Variants in C20orf96 observed in about 807,000 individuals in gnomAD.
C20orf96 encodes the protein chromosome 20 open reading frame 96.
In C20orf96, 57 loss-of-function variants were observed where a neutral mutation model predicts 52.6. The observed-to-expected ratio is 1.08, with a 90% CI of 0.88 to 1.35. The LOEUF is 1.35. Among genes scored for constraint, C20orf96 ranks in the 40% most tolerant of loss-of-function variants. The pLI, the probability that C20orf96 is intolerant of heterozygous loss-of-function variation, is 0.00. For synonymous variants in C20orf96, 168 were observed against 157.2 expected (o/e 1.07, Z -0.51); for missense variants, 478 against 443.6 (o/e 1.08, Z -0.70).
At chr20:274,396 C>G (rs1212728931) in intron 10 of C20orf96, among the ~76,000 whole-genome samples, 1 of 152,112 alleles carries the variant, frequency 6.6e-6, no homozygotes, top group Non-Finnish European at 1.5e-5. Context: ...GCAAGAAACC[C>G]GAAAGGACTC....
intron 3 of C20orf96, among the ~76,000 whole-genome samples, chr20:287,762 A>G (rs1394761559): frequency 6.6e-6 from 1 of 152,058 alleles, no homozygotes; most frequent in African/African-American, 2.4e-5. Context: ...TACAAAAATT[A>G]GCCAGGCATG....
At chr20:273,384 T>C (rs2122227398) in intron 10 of C20orf96, among the ~76,000 whole-genome samples, 1 of 152,318 alleles carries the variant, frequency 6.6e-6, no homozygotes, top group African/African-American at 2.4e-5. Flanking sequence ...GGGCACTGCA[T>C]GGAGGTCCCT....
At chr20:278,694 C>T (rs2012109589) in intron 5 of C20orf96, among the ~76,000 whole-genome samples, 1 of 150,914 alleles carries the variant, frequency 6.6e-6, no homozygotes, top group African/African-American at 2.4e-5. Flanking sequence ...ACAGTATGTG[C>T]CCGGTGAACC....
chr20:281,851 A>C (rs569762220), intron 4 of C20orf96, among the ~76,000 whole-genome samples: 1 of 152,208 alleles, frequency 6.6e-6, no homozygotes, highest in Non-Finnish European at 1.5e-5. Flanking sequence ...CTATAGTCCC[A>C]ACTACTCCGA....
intron 4 of C20orf96, 99 bp from the exon 5 acceptor site, chr20:279,429 C>G: frequency 7.6e-7 from 1 of 1,307,706 alleles, no homozygotes; most frequent in Non-Finnish European, 1.0e-6. Context: ...GCCAGACGCC[C>G]GCCCCCGTGC....
At chr20:287,384 T>C (rs1263369634) in intron 3 of C20orf96, among the ~76,000 whole-genome samples, 1 of 152,254 alleles carries the variant, frequency 6.6e-6, no homozygotes, top group Non-Finnish European at 1.5e-5. Flanking sequence ...GATATCTCAC[T>C]GTGGCTTAAT....
intron 4 of C20orf96, among the ~76,000 whole-genome samples, chr20:281,932 G>A (rs1395731535): frequency 3.3e-5 from 5 of 152,232 alleles, no homozygotes; most frequent in South Asian, 2.1e-4. Context: ...ATGCCACTGC[G>A]CTCCAGCCTG....
intron 4 of C20orf96, among the ~76,000 whole-genome samples, chr20:283,429 G>C (rs139691727): frequency 6.6e-6 from 1 of 151,868 alleles, no homozygotes; most frequent in Non-Finnish European, 1.5e-5. Flanking sequence ...TCAGCCTCCC[G>C]AGTAGCTGGG....
chr20:290,606 G>A lies in C20orf96; in HGVS notation c.5C>T (p.Ala2Val), dbSNP rs753272371. ...TTTTACCTACTTTTGTAAGACATGC[G>A]CCATTGGGGAAAATGGAAGAGAAGT... M[A>V]HVLQKPKHSG... The change falls in exon 1 of 11, where the codon GCG (alanine) becomes GTG (valine). Residue 2 changes from alanine to valine, a missense_variant. Transcript: ENST00000360321. 8.3e-6 allele frequency: 13 copies of A among 1,568,618 alleles called. No individual in the cohort carries two copies. The highest frequency in any genetic ancestry group is 1.7e-4 in the Middle Eastern group (1 of 5,770).
In C20orf96 at chr20:276,082, A is replaced by G. The variant is rs769346598; in HGVS notation, c.917T>C (p.Ile306Thr). The G allele has an allele frequency of 1.2e-6, 2 of 1,614,072 alleles. No individual in the cohort carries two copies. Among genetic ancestry groups the G allele is most frequent in the Admixed American group, 3.3e-5 (2 of 60,026 alleles). Residue 306 changes from isoleucine (I) to threonine (T), a missense_variant, in exon 10 of 11, where the codon ATT (isoleucine) becomes ACT (threonine). Transcript: ENST00000360321. Reference sequence around the variant, plus strand: ...AGGCATGTTCTCCTCAAACTGGTCAATAATCTGAGAGGAAAGGCACAGCAG... The same window carrying G: ...AGGCATGTTCTCCTCAAACTGGTCAGTAATCTGAGAGGAAAGGCACAGCAG... ...LKCMQRFREI[I>T]DQFEENMPVL...
intron 3 of C20orf96, among the ~76,000 whole-genome samples, chr20:287,801 C>A (rs370719219): frequency 6.7e-6 from 1 of 148,884 alleles, no homozygotes; most frequent in Non-Finnish European, 1.5e-5. Flanking sequence ...CCCAGCTACT[C>A]GGGAGGCTAA....
chr20:283,710 C>T (rs1241248661), intron 4 of C20orf96, among the ~76,000 whole-genome samples: 6 of 152,100 alleles, frequency 3.9e-5, no homozygotes, highest in South Asian at 4.1e-4. Flanking sequence ...GAACAGCAAA[C>T]GCTTTGTTTA....
chr20:286,303 G>T (rs563377369), intron 3 of C20orf96, among the ~76,000 whole-genome samples: 11 of 152,062 alleles, frequency 7.2e-5, no homozygotes, highest in Middle Eastern at 3.4e-3. Flanking sequence ...GATCACCTGA[G>T]GTTAGGAGTT....
chr20:276,676 A>C, intron 9 of C20orf96, 117 bp downstream of exon 9: 1 of 1,502,940 alleles, frequency 6.7e-7, no homozygotes, highest in Non-Finnish European at 8.9e-7. Context: ...GGCCAACACC[A>C]GAGTCAGAGA....
In C20orf96 at chr20:276,040, AC is replaced by A. The variant is rs1354620757; in HGVS notation, c.958del (p.Val320TrpfsTer?). 6.2e-7 allele frequency: 1 copy of A among 1,614,148 alleles called. No individual in the cohort carries two copies. Among genetic ancestry groups the A allele is most frequent in the South Asian group, 1.1e-5 (1 of 91,082 alleles). Reference protein sequence around the residue: ...EENMPVLRAEVEELQAQTREP... With the variant: ...EENMPVLRAEXEELQAQTREP... ...CCGGGTCTGGGCTTGGAGCTCTTCC[AC>A]CTCGGCCCTTAATACAGGCATGTTC... On this transcript the variant is annotated frameshift_variant, in exon 10 of 11. Coordinates refer to ENST00000360321, the MANE Select transcript of C20orf96 (RefSeq NM_153269.3). LOFTEE classifies it high-confidence loss of function.
Position 290,259 on chromosome 20 carries a change from C to T in C20orf96, c.69G>A (p.Pro23=), listed in dbSNP as rs751193124. ...THSIVQEFQV[P]DYVPWQQSKQ... is the part of the protein sequence containing the mutation. ...CCAGCCCTAGTCCCCCAAGACTCAC[C>T]GGAACCTGGAACTCCTGGACTATGG... is the stretch of plus-strand genomic sequence containing the variant. Residue 23 remains proline (P), a splice_region_variant and synonymous_variant, in exon 2 of 11, where the codon CCG becomes CCA. Coordinates refer to ENST00000360321, the MANE Select transcript of C20orf96 (RefSeq NM_153269.3). 1.9e-5 allele frequency: 31 copies of T among 1,611,646 alleles called. No homozygotes were observed. Among genetic ancestry groups the T allele is most frequent in the Middle Eastern group, 1.7e-4 (1 of 6,056 alleles).
In C20orf96 at chr20:277,051, A is replaced by C; in HGVS notation, c.818T>G (p.Val273Gly). The change falls in exon 8 of 11, where the codon GTG becomes GGG. Residue 273 changes from valine to glycine, a missense_variant. By Grantham distance (109) the Val-to-Gly change is moderately radical. Transcript: ENST00000360321. ...CAGCAACTGGCTACTCACCGCCACC[A>C]CAGAACTCAGAATTTTTTTCTTCTT... is the stretch of plus-strand genomic sequence containing the variant. ...QKKKKKILSS[V>G]VAETQRPYEE... The C allele has an allele frequency of 6.2e-7, 1 of 1,613,722 alleles. No individual in the cohort carries two copies. Among genetic ancestry groups the C allele is most frequent in the Non-Finnish European group, 8.5e-7 (1 of 1,179,784 alleles).
chr20:271,413 C>A, intron 10 of C20orf96, 146 bp from the exon 11 acceptor site: 1 of 596,770 alleles, frequency 1.7e-6, no homozygotes. Flanking sequence ...CTATCTGTGA[C>A]CTCAAAGCCC....
chr20:287,988 T>C (rs1426097745), intron 3 of C20orf96, among the ~76,000 whole-genome samples: 2 of 151,252 alleles, frequency 1.3e-5, no homozygotes, highest in African/African-American at 4.8e-5. Context: ...TATTTTTCTT[T>C]TATGGGTCAA....
Sources: allele counts gnomAD v4.1 joint callset (sites outside exome capture counted in the v4.1 genomes callset), GRCh38; gene constraint gnomAD v4.1.1; transcripts MANE v1.5; gene names NCBI Gene and HGNC (gene_info 2026-07-23, HGNC 2026-07-21).